Variants in NME9 observed in about 807,000 individuals in gnomAD.
NME9 encodes NME/NM23 family member 9, also known as thioredoxin domain-containing protein 6.
In NME9, 48 loss-of-function variants were observed where a neutral mutation model predicts 44.4. The observed-to-expected ratio is 1.08, with a 90% confidence interval of 0.86 to 1.37. The LOEUF (loss-of-function observed/expected upper bound fraction) is 1.37, where lower values mean the gene tolerates loss of function less well. NME9 is among the 40% of genes most tolerant of loss of function. The probability of loss-of-function intolerance (pLI) is 0.00; values close to 1 mark genes in which losing one functional copy is unlikely to be tolerated. For synonymous variants in NME9, 139 were observed against 147.1 expected, an observed-to-expected ratio of 0.94 and a Z score of 0.40; for missense variants, 325 against 405.2, an observed-to-expected ratio of 0.80 and a Z score of 1.70.
At chr3:138,315,452 G>A (rs1452526933) in intron 5 of NME9, 75 bp downstream of exon 5, 1 of 980,204 alleles carries the variant, frequency 1.0e-6, no homozygotes, top group African/African-American at 1.6e-5. Flanking sequence ...GTCAGGTGAA[G>A]GAGATGGGGA....
downstream of NME9, among the ~76,000 whole-genome samples, chr3:138,300,815 G>A (rs1356758322): frequency 2.0e-5 from 3 of 152,188 alleles, no homozygotes; most frequent in Admixed American, 2.0e-4. Flanking sequence ...CCTGGTAATG[G>A]AGAACTGCAG....
chr3:138,300,686 TTTTAAA>T (rs1465252341), downstream of NME9, among the ~76,000 whole-genome samples: 2 of 152,320 alleles, frequency 1.3e-5, no homozygotes, highest in South Asian at 2.1e-4. Context: ...AGCTCTCAGC[TTTTAAA>T]TTTAAGTGTC....
chr3:138,309,960 G>A (rs1466339600), intron 6 of NME9, among the ~76,000 whole-genome samples: 1 of 151,758 alleles, frequency 6.6e-6, no homozygotes, highest in Non-Finnish European at 1.5e-5. Flanking sequence ...CCAGGAGGTG[G>A]AGGTTGCAGT....
At chr3:138,270,272 C>A in intron 8 of NME9, 1 of 648,280 alleles carries the variant, frequency 1.5e-6, no homozygotes, top group Non-Finnish European at 2.6e-6. Flanking sequence ...TTTCTAATGA[C>A]TAGGACCTAG....
intron 8 of NME9, chr3:138,289,108 A>C: frequency 6.2e-7 from 1 of 1,612,696 alleles, no homozygotes; most frequent in South Asian, 1.1e-5. Flanking sequence ...CCTCATATGG[A>C]ATGAAGAGGA....
At position 138,310,886 on chromosome 3, in the gene NME9, A is replaced by G. The variant is rs191317523; in HGVS notation, c.460+3446T>C. On this transcript the variant is annotated intron_variant, in intron 6 of 10. Transcript: ENST00000333911. Reference sequence around the variant, plus strand: ...AAAAGCAATAACCAAACCCCCAATTAGTACTAGGAAGCAAATAATAAAGAT... The same window carrying G: ...AAAAGCAATAACCAAACCCCCAATTGGTACTAGGAAGCAAATAATAAAGAT... 1.4e-3 allele frequency among the ~76,000 whole-genome samples: 217 copies of G among 152,302 alleles called. 1 individual carries two copies. Among genetic ancestry groups the G allele is most frequent in the African/African-American group, 4.9e-3 (205 of 41,574 alleles).
chr3:138,328,133 G>T (rs1053270746), intron 1 of NME9, among the ~76,000 whole-genome samples: 1 of 152,176 alleles, frequency 6.6e-6, no homozygotes, highest in Non-Finnish European at 1.5e-5. Flanking sequence ...GAACATTCAC[G>T]TATGAAGTGG....
At chr3:138,272,117 G>A (rs1440694321) in intron 8 of NME9, among the ~76,000 whole-genome samples, 2 of 152,154 alleles carry the variant, frequency 1.3e-5, no homozygotes, top group Non-Finnish European at 2.9e-5. Flanking sequence ...CTAGCCACCC[G>A]GGATTACTGG....
chr3:138,295,424 C>T (rs183194634), intron 8 of NME9, among the ~76,000 whole-genome samples: 5 of 152,348 alleles, frequency 3.3e-5, no homozygotes, highest in South Asian at 2.1e-4. Flanking sequence ...ACCATTTCCT[C>T]GGTCAGTTTT....
At chr3:138,263,591 C>T in intron 8 of NME9, 1 of 716,226 alleles carries the variant, frequency 1.4e-6, no homozygotes, top group Admixed American at 2.1e-5. Context: ...GCTGCCCGCC[C>T]CCAGCGCAAG....
intron 8 of NME9, among the ~76,000 whole-genome samples, chr3:138,282,361 T>C (rs2050013641): frequency 6.6e-6 from 1 of 152,034 alleles, no homozygotes; most frequent in Admixed American, 6.6e-5. Flanking sequence ...AAAAGAATAC[T>C]TGTAGGCTGG....
At chr3:138,313,911 TG>T (rs1349849314) in intron 6 of NME9, among the ~76,000 whole-genome samples, 2 of 151,956 alleles carry the variant, frequency 1.3e-5, no homozygotes, top group Non-Finnish European at 2.9e-5. Flanking sequence ...GGCCAGGAAG[TG>T]GAGAGAGAGG....
chr3:138,273,751 G>A (rs2048997136), intron 8 of NME9, among the ~76,000 whole-genome samples: 1 of 149,612 alleles, frequency 6.7e-6, no homozygotes, highest in South Asian at 2.1e-4. Flanking sequence ...GATAGTATTA[G>A]GAAATCTACA....
chr3:138,304,462 G>A (rs1269144257), intron 9 of NME9, among the ~76,000 whole-genome samples: 1 of 152,232 alleles, frequency 6.6e-6, no homozygotes, highest in Non-Finnish European at 1.5e-5. Flanking sequence ...ACACCCTGAT[G>A]GGGAGTAGGT....
At chr3:138,316,054 G>T (rs1318577958) in intron 4 of NME9, among the ~76,000 whole-genome samples, 1 of 152,026 alleles carries the variant, frequency 6.6e-6, no homozygotes, top group East Asian at 1.9e-4. Context: ...GGATGGTCTC[G>T]ATCTCCTGAC....
At position 138,301,360 on chromosome 3, in the gene NME9, C is replaced by T. The variant is rs942246339; in HGVS notation, c.*280G>A. 6.4e-5 allele frequency: 30 copies of T among 471,344 alleles called. No individual in the cohort carries two copies. The highest frequency in any genetic ancestry group is 8.5e-5 in the Non-Finnish European group (26 of 306,124). 29.2% of individuals were successfully genotyped at this position (471,344 alleles called of 1,614,324 possible). On this transcript the variant is annotated 3_prime_UTR_variant, in exon 11 of 11. Transcript: ENST00000333911. Reference sequence around the variant, plus strand: ...GCTGGATGACAGGTGCACACCACCACGCCCGGCTAATTTTTTGTATTTTTA... The same window carrying T: ...GCTGGATGACAGGTGCACACCACCATGCCCGGCTAATTTTTTGTATTTTTA...
chr3:138,295,992 G>A (rs927730467), intron 8 of NME9: 3 of 1,288,904 alleles, frequency 2.3e-6, no homozygotes, highest in African/African-American at 3.0e-5. Context: ...AAGTCACCTT[G>A]GACTGCAGGG....
Position 138,320,844 on chromosome 3 carries a change from A to G in NME9, c.92-1263T>C, listed in dbSNP as rs542091609. On this transcript the variant is annotated intron_variant, in intron 2 of 10. Coordinates refer to ENST00000333911, the MANE Select transcript of NME9 (RefSeq NM_001349018.2). Reference sequence around the variant, plus strand: ...GTGGTAGGAAGTGGTGGCAGGGATCACTGGAGGAATCTGGAATGTGGGGCT... The same window carrying G: ...GTGGTAGGAAGTGGTGGCAGGGATCGCTGGAGGAATCTGGAATGTGGGGCT... Among the ~76,000 whole-genome samples the G allele has an allele frequency of 3.9e-5, 6 of 152,330 alleles. No homozygotes were observed. In the South Asian group the frequency reaches 1.2e-3, roughly 32 times the overall value.
At chr3:138,295,955 G>T in intron 8 of NME9, 1 of 1,562,830 alleles carries the variant, frequency 6.4e-7, no homozygotes, top group Non-Finnish European at 8.8e-7. Context: ...ACAGGAACCA[G>T]CCTCATTTGA....
Sources: gnomAD v4.1 joint callset for allele counts (sites outside exome capture counted in the v4.1 genomes callset) on GRCh38, gnomAD v4.1.1 for gene constraint, MANE v1.5 for transcripts, NCBI Gene and HGNC (gene_info 2026-07-23, HGNC 2026-07-21) for gene names.